SYN2: variants seen among roughly 807,000 people sequenced by gnomAD.
SYN2 encodes synapsin II.
Under a neutral mutation model 50.9 loss-of-function variants are expected in SYN2, and 19 were observed. The ratio of observed to expected loss-of-function variants is 0.37; its 90% CI spans 0.26 to 0.55. The LOEUF is 0.55. Among genes scored for constraint, SYN2 ranks in the 20% least tolerant of loss-of-function variants. The probability of loss-of-function intolerance (pLI) is 0.81; values close to 1 mark genes in which losing one functional copy is unlikely to be tolerated. For synonymous variants in SYN2, 255 were observed against 224.9 expected, an observed-to-expected ratio of 1.13 and a Z score of -1.20; for missense variants, 587 against 576.4, an observed-to-expected ratio of 1.02 and a Z score of -0.19.
At chr3:12,065,106 G>A (rs1361199343) in intron 1 of SYN2, among the ~76,000 whole-genome samples, 1 of 152,058 alleles carries the variant, frequency 6.6e-6, no homozygotes, top group Non-Finnish European at 1.5e-5. Flanking sequence ...AGTGAAAGAC[G>A]CCAGTAACAA....
intron 10 of SYN2, among the ~76,000 whole-genome samples, chr3:12,172,144 G>A (rs1484461327): frequency 6.6e-6 from 1 of 152,074 alleles, no homozygotes; most frequent in African/African-American, 2.4e-5. Flanking sequence ...GACACACAAG[G>A]GCTAATCCTC....
intron 1 of SYN2, among the ~76,000 whole-genome samples, chr3:12,107,674 T>G (rs146136074): frequency 6.6e-6 from 1 of 152,240 alleles, no homozygotes; most frequent in African/African-American, 2.4e-5. Context: ...GAAGTGAAGG[T>G]GGGCAGATTG....
chr3:12,145,936 G>A (rs1559438568), intron 4 of SYN2, 101 bp downstream of exon 4: 1 of 1,523,604 alleles, frequency 6.6e-7, no homozygotes. Flanking sequence ...CCCAGCCCCA[G>A]GAGGGTCCCT....
intron 10 of SYN2, among the ~76,000 whole-genome samples, chr3:12,173,179 A>C (rs1245459715): frequency 1.3e-5 from 2 of 152,236 alleles, no homozygotes; most frequent in Non-Finnish European, 2.9e-5. Flanking sequence ...GAAGACACCC[A>C]ATAGTTGGCC....
chr3:12,053,736 G>T (rs755643248), intron 1 of SYN2, among the ~76,000 whole-genome samples: 1 of 151,826 alleles, frequency 6.6e-6, no homozygotes, highest in Non-Finnish European at 1.5e-5. Flanking sequence ...CTCAAATTGA[G>T]AATAATTTTT....
intron 1 of SYN2, among the ~76,000 whole-genome samples, chr3:12,031,162 G>A (rs1349193474): frequency 9.1e-5 from 4 of 43,884 alleles, no homozygotes; most frequent in African/African-American, 2.5e-4. Flanking sequence ...GGAGCAGGTT[G>A]TTCAGTTTCC....
intron 1 of SYN2, among the ~76,000 whole-genome samples, chr3:12,037,520 C>T (rs934433888): frequency 2.6e-5 from 4 of 152,200 alleles, no homozygotes; most frequent in Non-Finnish European, 4.4e-5. Context: ...CTTGCTACAT[C>T]ATAACATGGA....
At chr3:12,044,417 G>C (rs933918845) in intron 1 of SYN2, among the ~76,000 whole-genome samples, 2 of 152,084 alleles carry the variant, frequency 1.3e-5, no homozygotes, top group Non-Finnish European at 2.9e-5. Context: ...AAAGCAAAGG[G>C]TTCCAGAAAT....
At chr3:12,050,673 T>C (rs922532188) in intron 1 of SYN2, among the ~76,000 whole-genome samples, 1 of 141,532 alleles carries the variant, frequency 7.1e-6, no homozygotes, top group African/African-American at 2.5e-5. Flanking sequence ...TGTAGACTTG[T>C]AAAGATCTTT....
At chr3:12,184,258 TGTGA>T in intron 11 of SYN2, 1 of 985,888 alleles carries the variant, frequency 1.0e-6, no homozygotes. Flanking sequence ...AAAGTGAACT[TGTGA>T]GTATTTTGTG....
intron 1 of SYN2, among the ~76,000 whole-genome samples, chr3:12,094,803 G>C (rs952242889): frequency 6.6e-6 from 1 of 152,200 alleles, no homozygotes; most frequent in Non-Finnish European, 1.5e-5. Flanking sequence ...TGACTCCCAG[G>C]TGTCATCTTG....
intron 7 of SYN2, among the ~76,000 whole-genome samples, chr3:12,166,632 T>C (rs1420724265): frequency 6.6e-6 from 1 of 152,210 alleles, no homozygotes; most frequent in Non-Finnish European, 1.5e-5. Flanking sequence ...GAAGAGTTAA[T>C]TGACTTCCCC....
chr3:12,010,383 A>T (rs981978763), intron 1 of SYN2, among the ~76,000 whole-genome samples: 2 of 152,182 alleles, frequency 1.3e-5, no homozygotes, highest in African/African-American at 4.8e-5. Flanking sequence ...TTTACAAGGG[A>T]TATAAGGATT....
At chr3:12,181,767 G>T (rs180916120) in intron 10 of SYN2, among the ~76,000 whole-genome samples, 1 of 152,312 alleles carries the variant, frequency 6.6e-6, no homozygotes, top group Non-Finnish European at 1.5e-5. Context: ...AATGATAAAG[G>T]CCTGACCAAA....
chr3:12,155,504 A>G (rs1013756013), intron 5 of SYN2, among the ~76,000 whole-genome samples: 3 of 152,176 alleles, frequency 2.0e-5, no homozygotes, highest in African/African-American at 7.2e-5. Context: ...GCAGGGAGAC[A>G]CAGCCTGGCA....
intron 3 of SYN2, among the ~76,000 whole-genome samples, chr3:12,144,076 G>A (rs2125218576): frequency 6.6e-6 from 1 of 152,338 alleles, no homozygotes; most frequent in South Asian, 2.1e-4. Flanking sequence ...GAGGCTTAGT[G>A]CCTTGGGAGT....
chr3:12,142,197 A>G (rs1697035096), intron 3 of SYN2, among the ~76,000 whole-genome samples: 2 of 152,242 alleles, frequency 1.3e-5, no homozygotes, highest in South Asian at 2.1e-4. Context: ...GTCCAGTGGT[A>G]GAGAAAACAA....
At chr3:12,130,238 G>A (rs1696765238) in intron 1 of SYN2, among the ~76,000 whole-genome samples, 1 of 15,458 alleles carries the variant, frequency 6.5e-5, no homozygotes, top group South Asian at 3.8e-3. Context: ...CTCTGTGTGC[G>A]TGTGTGTGTG....
At chr3:12,080,932 TGTG>T (rs1452292807) in intron 1 of SYN2, among the ~76,000 whole-genome samples, 1 of 152,164 alleles carries the variant, frequency 6.6e-6, no homozygotes, top group African/African-American at 2.4e-5. Context: ...CTGTTCCAAT[TGTG>T]GTGAAAGAAA....
Sources: allele counts gnomAD v4.1 joint callset (sites outside exome capture counted in the v4.1 genomes callset), GRCh38; gene constraint gnomAD v4.1.1; transcripts MANE v1.5; gene names NCBI Gene and HGNC (gene_info 2026-07-23, HGNC 2026-07-21).